The following SLC17A1 variants were observed in gnomAD, a reference collection of about 807,000 sequenced individuals.
SLC17A1 encodes solute carrier family 17 member 1, also known as sodium-dependent phosphate transport protein 1.
A neutral mutation model predicts 53.5 loss-of-function variants in SLC17A1; 51 were observed. That is an observed-to-expected ratio of 0.95 (90% confidence interval 0.76 to 1.20). The LOEUF is 1.20. Ranked by LOEUF, SLC17A1 falls within the 50% of genes most tolerant of loss-of-function variation. The pLI is 0.00. For missense variants in SLC17A1, 538 were observed against 568.2 expected (o/e 0.95, Z 0.54); for synonymous variants, 179 against 198.8 (o/e 0.90, Z 0.84).
intron 3 of SLC17A1, among the ~76,000 whole-genome samples, chr6:25,824,647 T>A (rs1387541598): frequency 6.6e-6 from 1 of 151,854 alleles, no homozygotes; most frequent in Non-Finnish European, 1.5e-5. Context: ...TTATTACAAA[T>A]GTATATTATA....
the SLC17A1 span, chr6:25,727,344 T>G: frequency 6.8e-7 from 1 of 1,477,624 alleles, no homozygotes; most frequent in Non-Finnish European, 9.1e-7. Context: ...CAGAGCCACT[T>G]AAACATACTG....
chr6:25,826,843 G>C (rs1054951209), intron 2 of SLC17A1, among the ~76,000 whole-genome samples: 1 of 152,042 alleles, frequency 6.6e-6, no homozygotes, highest in Non-Finnish European at 1.5e-5. Flanking sequence ...TTTCCAGCTA[G>C]AAGTTCCAAG....
Position 25,799,789 on chromosome 6 carries a change from C to T in SLC17A1, c.1270-870G>A, listed in dbSNP as rs577493711. ...ACAACTTTTGGAAGTCAGCTCTGCA[C>T]ACCTGAGTGAACTCAATGGAAGAAT... On this transcript the variant is annotated intron_variant, in intron 11 of 12. Transcript: ENST00000244527. Among the ~76,000 whole-genome samples the T allele has an allele frequency of 2.2e-3, 331 of 152,302 alleles. 1 individual carries two copies. Among genetic ancestry groups the T allele is most frequent in the Non-Finnish European group, 3.0e-3 (206 of 68,020 alleles).
At chr6:25,789,808 G>A (rs1262604913) in intron 12 of SLC17A1, among the ~76,000 whole-genome samples, 8 of 151,986 alleles carry the variant, frequency 5.3e-5, no homozygotes. Context: ...ATGAAATTCT[G>A]AAGTGAATCT....
At chr6:25,726,088 GT>G in the SLC17A1 span, 2 of 1,478,552 alleles carry the variant, frequency 1.4e-6, no homozygotes, top group Admixed American at 2.4e-5. Context: ...AGAGCCTTTT[GT>G]TTTTTCTGAC....
At chr6:25,777,857 C>A in the SLC17A1 span, 1 of 1,311,012 alleles carries the variant, frequency 7.6e-7, no homozygotes, top group African/African-American at 1.4e-5. Flanking sequence ...TTGCCTCCCT[C>A]TCCCGGGTAT....
chr6:25,748,541 A>C, the SLC17A1 span, among the ~76,000 whole-genome samples: 1 of 152,152 alleles, frequency 6.6e-6, no homozygotes, highest in East Asian at 1.9e-4. Context: ...GGGACGAGAG[A>C]CTGAGAAAAG....
the SLC17A1 span, among the ~76,000 whole-genome samples, chr6:25,725,784 G>A: frequency 8.0e-4 from 122 of 152,182 alleles, no homozygotes; most frequent in Middle Eastern, 6.8e-3. Flanking sequence ...TGGGGACAGG[G>A]TCTCAATTAT....
At chr6:25,820,052 C>T in intron 3 of SLC17A1, 137 bp from the exon 4 acceptor site, 1 of 600,786 alleles carries the variant, frequency 1.7e-6, no homozygotes, top group Admixed American at 3.2e-5. Context: ...TATCACAGGA[C>T]CTTCTTTATT....
rs567514141 is a variant in SLC17A1, at chr6:25,798,471, C to T, written c.*2+312G>A. ...TCCTTGCTCCCAACCTTTTTCACTTCGAGTCTCCATTTTACAACTGTTCTT... is the reference window on the plus strand; with the variant it reads ...TCCTTGCTCCCAACCTTTTTCACTTTGAGTCTCCATTTTACAACTGTTCTT... On this transcript the variant is annotated intron_variant, in intron 12 of 12. Transcript: ENST00000244527. 1.1e-4 allele frequency: 24 copies of T among 223,204 alleles called. No homozygotes were observed. In the South Asian group the frequency reaches 3.5e-3, roughly 33 times the overall value. The allele number at this position is 223,204 out of a possible 1,614,324, so 13.8% of individuals were successfully genotyped here.
chr6:25,804,664 T>C (rs986068550), intron 10 of SLC17A1, among the ~76,000 whole-genome samples: 3 of 152,040 alleles, frequency 2.0e-5, no homozygotes, highest in African/African-American at 7.2e-5. Context: ...AGGATTCATA[T>C]AAACTCAAGG....
the SLC17A1 span, among the ~76,000 whole-genome samples, chr6:25,724,299 C>T: frequency 1.3e-5 from 2 of 151,978 alleles, no homozygotes; most frequent in East Asian, 1.9e-4. Flanking sequence ...GGCAGGCGCC[C>T]GTAATCCCAG....
Position 25,811,458 on chromosome 6 carries a change from C to A in SLC17A1, c.1118G>T (p.Gly373Val), listed in dbSNP as rs748445541. The A allele has an allele frequency of 4.3e-6, 7 of 1,613,692 alleles. No homozygotes were observed. Among genetic ancestry groups the A allele is most frequent in the Non-Finnish European group, 4.2e-6 (5 of 1,179,856 alleles). Residue 373 changes from glycine (G) to valine (V), a missense_variant, in exon 10 of 13, where the codon GGT becomes GTT. By Grantham distance (109) the Gly-to-Val change is moderately radical. Transcript: ENST00000244527. ...ACCCAAGCAAAAGCTGCCTGTTGCACCAGCAAGTATTAGGAAAATGACAAT... is the reference window on the plus strand; with the variant it reads ...ACCCAAGCAAAAGCTGCCTGTTGCAACAGCAAGTATTAGGAAAATGACAAT... ...YSIVIFLILA[G>V]ATGSFCLGGV...
chr6:25,773,236 T>C, the SLC17A1 span: 1 of 1,504,496 alleles, frequency 6.6e-7, no homozygotes, highest in Non-Finnish European at 9.3e-7. Flanking sequence ...AAAGAAGTAC[T>C]TCAATCCATC....
chr6:25,777,861 C>T, the SLC17A1 span: 39 of 1,348,272 alleles, frequency 2.9e-5, no homozygotes, highest in Non-Finnish European at 3.9e-5. Flanking sequence ...CTCCCTCTCC[C>T]GGGTATTGAG....
chr6:25,793,402 G>C (rs1171910112), intron 12 of SLC17A1, among the ~76,000 whole-genome samples: 1 of 152,158 alleles, frequency 6.6e-6, no homozygotes, highest in Non-Finnish European at 1.5e-5. Flanking sequence ...TTTGTGTTGA[G>C]ACTTCAGTGA....
At chr6:25,782,392 T>G (rs941989646), downstream of SLC17A1, among the ~76,000 whole-genome samples, 1 of 152,134 alleles carries the variant, frequency 6.6e-6, no homozygotes. Flanking sequence ...ATACATTATT[T>G]TGTAGCATCT....
At chr6:25,727,039 A>G in the SLC17A1 span, 4 of 1,614,136 alleles carry the variant, frequency 2.5e-6, no homozygotes, top group African/African-American at 5.3e-5. Context: ...ATTTACATCT[A>G]CAAAGTGCTA....
the SLC17A1 span, chr6:25,761,878 A>G: frequency 1.8e-6 from 2 of 1,093,668 alleles, no homozygotes; most frequent in Non-Finnish European, 1.3e-6. Context: ...TTGGGGTAAT[A>G]TCATATAAGA....
Sources: gnomAD v4.1 joint callset for allele counts (sites outside exome capture counted in the v4.1 genomes callset) on GRCh38, gnomAD v4.1.1 for gene constraint, MANE v1.5 for transcripts, NCBI Gene and HGNC (gene_info 2026-07-23, HGNC 2026-07-21) for gene names.